PCDHGB6: variants seen among roughly 807,000 people sequenced by gnomAD.
PCDHGB6 encodes the protein protocadherin gamma subfamily B, 6.
Under a neutral mutation model 59.1 loss-of-function variants are expected in PCDHGB6, and 51 were observed. That is an observed-to-expected ratio of 0.86 (90% CI 0.69 to 1.09). PCDHGB6 has a LOEUF of 1.09. Ranked by LOEUF, PCDHGB6 falls within the 50% of genes least tolerant of loss-of-function variation. The probability of loss-of-function intolerance (pLI) is 0.00; values close to 1 mark genes in which losing one functional copy is unlikely to be tolerated. For missense variants in PCDHGB6, 1,148 were observed against 1,205.1 expected, an observed-to-expected ratio of 0.95 and a Z score of 0.70; for synonymous variants, 466 against 495.1, an observed-to-expected ratio of 0.94 and a Z score of 0.78.
At position 141,485,971 on chromosome 5, in the gene PCDHGB6, C is replaced by T; in HGVS notation, c.2419-8836C>T. On this transcript the variant is annotated intron_variant, in intron 1 of 3. Transcript: ENST00000520790. This position sits in a 1 kb window ranked among gnomAD's most constrained non-coding sequence, Gnocchi z 5.7. Reference sequence around the variant, plus strand: ...GCATGGTGCTCATCCAGCTCAATGCCTCAGACCCGGACCTGGGTCCCAGTG... The same window carrying T: ...GCATGGTGCTCATCCAGCTCAATGCTTCAGACCCGGACCTGGGTCCCAGTG... The T allele has an allele frequency of 6.2e-7, 1 of 1,614,196 alleles. No individual in the cohort carries two copies. The highest frequency in any genetic ancestry group is 8.5e-7 in the Non-Finnish European group (1 of 1,180,042).
chr5:141,491,580 G>A lies in PCDHGB6; in HGVS notation c.2419-3227G>A. 6.2e-7 allele frequency: 1 copy of A among 1,613,942 alleles called. No individual in the cohort carries two copies. Among genetic ancestry groups the A allele is most frequent in the Non-Finnish European group, 8.5e-7 (1 of 1,180,044 alleles). ...ACTGCTACAGGACGTGCTTTTCACC[G>A]GCCTCGGACGGCAGTGACTTCACTT... is the stretch of plus-strand genomic sequence containing the variant. On this transcript the variant is annotated intron_variant, in intron 1 of 3. Coordinates refer to ENST00000520790, the MANE Select transcript of PCDHGB6 (RefSeq NM_018926.3). The surrounding 1 kb of genome is among the most constrained non-coding windows in gnomAD (Gnocchi z 6.9).
chr5:141,499,322 T>C (rs1186220818), intron 2 of PCDHGB6, among the ~76,000 whole-genome samples: 1 of 152,218 alleles, frequency 6.6e-6, no homozygotes, highest in Non-Finnish European at 1.5e-5. Context: ...ACAGTATCCC[T>C]GCTCTCTCTC....
In PCDHGB6 at chr5:141,490,296, G is replaced by T; in HGVS notation, c.2419-4511G>T. The stretch of plus-strand genomic sequence containing the variant: ...ATGACAATGCCCCAGAGGTGCTATT[G>T]GCCTCTTTGGCCAACCCTGTCCTAG... On this transcript the variant is annotated intron_variant, in intron 1 of 3. Coordinates refer to ENST00000520790, the MANE Select transcript of PCDHGB6 (RefSeq NM_018926.3). This position sits in a 1 kb window ranked among gnomAD's most constrained non-coding sequence, Gnocchi z 5.4. 6.2e-7 allele frequency: 1 copy of T among 1,614,184 alleles called. No homozygotes were observed. Among genetic ancestry groups the T allele is most frequent in the South Asian group, 1.1e-5 (1 of 91,084 alleles).
chr5:141,423,026 G>T (rs1333695085), intron 1 of PCDHGB6: 1 of 1,614,210 alleles, frequency 6.2e-7, no homozygotes, highest in Admixed American at 1.7e-5. Context: ...AAAGATTCAG[G>T]CCAGAACGCC....
chr5:141,474,135 G>C (rs1032470573), intron 1 of PCDHGB6, among the ~76,000 whole-genome samples: 2 of 152,062 alleles, frequency 1.3e-5, no homozygotes, highest in Admixed American at 1.3e-4. Context: ...GAAAACTACA[G>C]GCCTTATTAT....
chr5:141,501,374 T>A (rs2099808767), intron 2 of PCDHGB6, among the ~76,000 whole-genome samples: 1 of 151,106 alleles, frequency 6.6e-6, no homozygotes. Context: ...CATCATCTCT[T>A]AAATCCTAGG....
chr5:141,462,414 T>C (rs549473269), intron 1 of PCDHGB6, among the ~76,000 whole-genome samples: 1 of 152,360 alleles, frequency 6.6e-6, no homozygotes, highest in Non-Finnish European at 1.5e-5. Flanking sequence ...CAGAATATGG[T>C]CTATCTTGGT....
chr5:141,429,234 T>C (rs2097199038), intron 1 of PCDHGB6: 1 of 152,114 alleles, frequency 6.6e-6, no homozygotes, highest in African/African-American at 2.4e-5. Context: ...ATGATACTGC[T>C]GTCATTGAGA....
rs762138055 is a variant in PCDHGB6, at chr5:141,490,757, T to C, written c.2419-4050T>C. 6.2e-7 allele frequency: 1 copy of C among 1,613,918 alleles called. No homozygotes were observed. The highest frequency in any genetic ancestry group is 2.2e-5 in the East Asian group (1 of 44,892). On this transcript the variant is annotated intron_variant, in intron 1 of 3. Coordinates refer to ENST00000520790, the MANE Select transcript of PCDHGB6 (RefSeq NM_018926.3). The surrounding 1 kb of genome is among the most constrained non-coding windows in gnomAD (Gnocchi z 5.4). ...GTTCAGGGAGCCCCAGCCTCCTCCT[T>C]TGTGTATGTCAACCCAGAGGATGGA...
chr5:141,467,532 T>G (rs2099145568), intron 1 of PCDHGB6, among the ~76,000 whole-genome samples: 1 of 152,234 alleles, frequency 6.6e-6, no homozygotes, highest in Non-Finnish European at 1.5e-5. Flanking sequence ...TGTGCTGAGA[T>G]ATGGATCTGA....
intron 1 of PCDHGB6, among the ~76,000 whole-genome samples, chr5:141,456,105 G>T (rs2098843517): frequency 6.6e-6 from 1 of 151,978 alleles, no homozygotes; most frequent in Non-Finnish European, 1.5e-5. Context: ...CACCGTGTTA[G>T]CCAGGATGGT....
intron 1 of PCDHGB6, among the ~76,000 whole-genome samples, chr5:141,425,485 A>G (rs2096878362): frequency 6.6e-6 from 1 of 152,274 alleles, no homozygotes; most frequent in Non-Finnish European, 1.5e-5. Context: ...ATGGCAACCT[A>G]CTAGGCTATA....
At chr5:141,499,686 T>C (rs1400567357) in intron 2 of PCDHGB6, among the ~76,000 whole-genome samples, 2 of 149,346 alleles carry the variant, frequency 1.3e-5, no homozygotes, top group East Asian at 2.0e-4. Context: ...CTTTAACAGA[T>C]GACTTTTTTT....
At chr5:141,456,171 A>ACAGGCG (rs1443838766) in intron 1 of PCDHGB6, among the ~76,000 whole-genome samples, 2 of 152,096 alleles carry the variant, frequency 1.3e-5, no homozygotes, top group East Asian at 3.9e-4. Flanking sequence ...TGCTGGGATT[A>ACAGGCG]CAGAATAATT....
intron 1 of PCDHGB6, among the ~76,000 whole-genome samples, chr5:141,466,358 A>G (rs1210013683): frequency 6.6e-6 from 1 of 152,066 alleles, no homozygotes; most frequent in Admixed American, 6.5e-5. Flanking sequence ...GCTAATCTAG[A>G]TGTAATGGTT....
At position 141,432,195 on chromosome 5, in the gene PCDHGB6, C is replaced by G; in HGVS notation, c.2418+21575C>G. 1 of 1,614,206 alleles carries G rather than the reference C, an allele frequency of 6.2e-7. No individual in the cohort carries two copies. The highest frequency in any genetic ancestry group is 8.5e-7 in the Non-Finnish European group (1 of 1,180,050). On this transcript the variant is annotated intron_variant, in intron 1 of 3. Transcript: ENST00000520790. The surrounding 1 kb of genome is among the most constrained non-coding windows in gnomAD (Gnocchi z 6.0). ...CTCGTCTCTGTGACCGCCCACGACC[C>G]CGACTGTGAAGAGAACGCCCAGATC...
At chr5:141,433,926 A>T (rs2154556019) in intron 1 of PCDHGB6, among the ~76,000 whole-genome samples, 1 of 151,830 alleles carries the variant, frequency 6.6e-6, no homozygotes, top group African/African-American at 2.4e-5. Context: ...CCAAATGAAG[A>T]TTTTATAATT....
chr5:141,421,617 C>T, intron 1 of PCDHGB6: 3 of 1,613,768 alleles, frequency 1.9e-6, no homozygotes, highest in African/African-American at 1.3e-5. Context: ...TTAATGATAA[C>T]GCCCCCAGCT....
chr5:141,477,258 C>A lies in PCDHGB6; in HGVS notation c.2419-17549C>A. ...TTGCTCAGTGTGACTGACCTGGATG[C>A]TGGCGAGAACGGGCTGGTGACCTGC... On this transcript the variant is annotated intron_variant, in intron 1 of 3. Coordinates refer to ENST00000520790, the MANE Select transcript of PCDHGB6 (RefSeq NM_018926.3). The surrounding 1 kb of genome is among the most constrained non-coding windows in gnomAD (Gnocchi z 4.9). 6.2e-7 allele frequency: 1 copy of A among 1,614,208 alleles called. No homozygotes were observed. Among genetic ancestry groups the A allele is most frequent in the Non-Finnish European group, 8.5e-7 (1 of 1,180,042 alleles).
Sources: gnomAD v4.1 joint callset for allele counts (sites outside exome capture counted in the v4.1 genomes callset) on GRCh38, gnomAD v4.1.1 for gene constraint, Gnocchi (gnomAD v3.1) non-coding constraint, MANE v1.5 for transcripts, NCBI Gene and HGNC (gene_info 2026-07-23, HGNC 2026-07-21) for gene names.